The following BANF2 variants were observed in gnomAD, a reference collection of about 807,000 sequenced individuals.
BANF2 encodes barrier-to-autointegration factor-like protein.
BANF2 carries 4 observed loss-of-function variants against 8.0 expected under a neutral mutation model. The observed-to-expected ratio is 0.50, with a 90% CI of 0.25 to 1.14. The LOEUF (loss-of-function observed/expected upper bound fraction) is 1.14, where lower values mean the gene tolerates loss of function less well. BANF2 is among the 50% of genes most tolerant of loss of function. BANF2 has a pLI of 0.16. For synonymous variants in BANF2, 50 were observed against 40.6 expected (o/e 1.23, Z -0.88); for missense variants, 96 against 107.5 (o/e 0.89, Z 0.47).
intron 3 of BANF2, among the ~76,000 whole-genome samples, chr20:17,728,553 T>A (rs1020125478): frequency 6.6e-6 from 1 of 152,158 alleles, no homozygotes; most frequent in Non-Finnish European, 1.5e-5. Flanking sequence ...GTCTTTCAGC[T>A]TTTTTTAATG....
At chr20:17,705,743 T>A (rs1279458636) in intron 1 of BANF2, among the ~76,000 whole-genome samples, 2 of 152,206 alleles carry the variant, frequency 1.3e-5, no homozygotes, top group Admixed American at 1.3e-4. Context: ...GGGAAAGTGA[T>A]TTGGGCAAGG....
intron 1 of BANF2, among the ~76,000 whole-genome samples, chr20:17,694,808 G>A (rs2037332181): frequency 6.6e-6 from 1 of 151,586 alleles, no homozygotes; most frequent in African/African-American, 2.4e-5. Flanking sequence ...TTTCTGTAGA[G>A]ACAGGGTCTC....
At chr20:17,709,967 G>A (rs1230412375) in intron 1 of BANF2, among the ~76,000 whole-genome samples, 1 of 152,240 alleles carries the variant, frequency 6.6e-6, no homozygotes, top group Non-Finnish European at 1.5e-5. Context: ...GGTCCCATGA[G>A]GAAGGGAGTG....
At chr20:17,722,379 T>G (rs958365681) in intron 1 of BANF2, among the ~76,000 whole-genome samples, 5 of 152,198 alleles carry the variant, frequency 3.3e-5, no homozygotes, top group Non-Finnish European at 5.9e-5. Context: ...GCATGGATAG[T>G]GAATGGAATT....
chr20:17,705,050 GGCC>G (rs2037462949), intron 1 of BANF2, among the ~76,000 whole-genome samples: 1 of 128,986 alleles, frequency 7.8e-6, no homozygotes, highest in Non-Finnish European at 1.7e-5. Context: ...TTACCTCATT[GGCC>G]AGGCCTGGTC....
At chr20:17,721,395 TTTC>T (rs199654772) in intron 1 of BANF2, among the ~76,000 whole-genome samples, 20,377 of 139,968 alleles carry the variant, frequency 0.15, 1,459 homozygotes, top group African/African-American at 0.19. Flanking sequence ...TCTTTCTTTC[TTTC>T]TTTTTTTTTT....
At chr20:17,730,658 G>A (rs2037881137) in intron 3 of BANF2, among the ~76,000 whole-genome samples, 1 of 152,200 alleles carries the variant, frequency 6.6e-6, no homozygotes, top group African/African-American at 2.4e-5. Context: ...TGGTGGACAG[G>A]AGCGAGACTG....
intron 3 of BANF2, among the ~76,000 whole-genome samples, chr20:17,728,074 G>A: frequency 6.6e-6 from 1 of 152,148 alleles, no homozygotes; most frequent in East Asian, 1.9e-4. Flanking sequence ...CCTGGCACAG[G>A]GAGGGACATC....
intron 3 of BANF2, among the ~76,000 whole-genome samples, 156 bp downstream of exon 3, chr20:17,725,307 C>G (rs2037791885): frequency 6.6e-6 from 1 of 152,278 alleles, no homozygotes; most frequent in African/African-American, 2.4e-5. Flanking sequence ...GCTATTGACC[C>G]CACATGCTCA....
At position 17,694,599 on chromosome 20, in the gene BANF2, CTCTTTTTTTTTTTT is replaced by C. The variant is rs1267055374; in HGVS notation, c.18+895_18+908del. Among the ~76,000 whole-genome samples the C allele has an allele frequency of 7.4e-3, 610 of 82,774 alleles. 9 individuals carry two copies. The highest frequency in any genetic ancestry group is 0.028 in the African/African-American group (563 of 20,360). 54.3% of individuals were successfully genotyped at this position (82,774 alleles called of 152,430 possible). A position where few individuals can be genotyped will look rare whatever the true frequency, so the allele number is the denominator to read the frequency against. ...AGGGGGCTATTTTTGTTTTTTCTCTCTCTTTTTTTTTTTTTTTTTTTTTTTTTTTTTTTTATTGA... is the reference window on the plus strand; with the variant it reads ...AGGGGGCTATTTTTGTTTTTTCTCTCTTTTTTTTTTTTTTTTTTTTATTGA... On this transcript the variant is annotated intron_variant, in intron 1 of 2. Coordinates refer to the BANF2 transcript ENST00000545418.
intron 1 of BANF2, among the ~76,000 whole-genome samples, chr20:17,704,137 G>C (rs1283441347): frequency 1.3e-5 from 2 of 152,236 alleles, no homozygotes; most frequent in East Asian, 3.8e-4. Context: ...TAGGGCGAGA[G>C]CCCAGATAAA....
chr20:17,710,455 A>G (rs1267938528), intron 1 of BANF2, among the ~76,000 whole-genome samples: 1 of 152,320 alleles, frequency 6.6e-6, no homozygotes, highest in East Asian at 1.9e-4. Flanking sequence ...CGTTTTGAGG[A>G]CTATGCATGA....
intron 3 of BANF2, among the ~76,000 whole-genome samples, chr20:17,734,021 C>T (rs541719023): frequency 1.3e-5 from 2 of 152,312 alleles, no homozygotes; most frequent in East Asian, 1.9e-4. Context: ...GGAGAGCCCC[C>T]AAAACCAGCC....
intron 1 of BANF2, among the ~76,000 whole-genome samples, chr20:17,707,140 T>C (rs1260828414): frequency 6.6e-6 from 1 of 151,844 alleles, no homozygotes. Context: ...TCCCAGCACT[T>C]TGGGAGGCCA....
intron 3 of BANF2, among the ~76,000 whole-genome samples, chr20:17,735,057 C>A (rs780543278): frequency 2.6e-5 from 4 of 151,670 alleles, no homozygotes; most frequent in Non-Finnish European, 4.4e-5. Context: ...CCGGCCTGGG[C>A]GACAGAGCAA....
chr20:17,709,592 C>T (rs749669768), intron 1 of BANF2, among the ~76,000 whole-genome samples: 4 of 152,084 alleles, frequency 2.6e-5, no homozygotes, highest in Non-Finnish European at 5.9e-5. Context: ...TTTATATGTG[C>T]ACCCAAGCAG....
At chr20:17,714,100 G>T (rs1306782775) in intron 1 of BANF2, among the ~76,000 whole-genome samples, 2 of 148,898 alleles carry the variant, frequency 1.3e-5, no homozygotes, top group African/African-American at 5.0e-5. Flanking sequence ...TAGCTACTTG[G>T]CAGGCTTAGG....
At chr20:17,700,471 A>G (rs373468494) in intron 1 of BANF2, among the ~76,000 whole-genome samples, 30 of 152,358 alleles carry the variant, frequency 2.0e-4, no homozygotes, top group East Asian at 1.9e-3. Flanking sequence ...GAGCAGAGGT[A>G]GCTGACACAG....
At chr20:17,709,846 C>T (rs772153059) in intron 1 of BANF2, among the ~76,000 whole-genome samples, 12 of 152,168 alleles carry the variant, frequency 7.9e-5, no homozygotes, top group East Asian at 1.9e-4. Context: ...GAGCTTAGCA[C>T]GGTGCCTTGG....
Sources: gnomAD v4.1 joint callset for allele counts (sites outside exome capture counted in the v4.1 genomes callset) on GRCh38, gnomAD v4.1.1 for gene constraint, MANE v1.5 for transcripts, NCBI Gene and HGNC (gene_info 2026-07-23, HGNC 2026-07-21) for gene names.